SYNE2: variants seen among roughly 807,000 people sequenced by gnomAD.
SYNE2 encodes the protein spectrin repeat containing nuclear envelope protein 2.
Under a neutral mutation model 856.3 loss-of-function variants are expected in SYNE2, and 431 were observed. That is an observed-to-expected ratio of 0.50 (90% CI 0.47 to 0.55). The LOEUF is 0.55. Ranked by LOEUF, SYNE2 falls within the 20% of genes least tolerant of loss-of-function variation. The pLI is 0.00. For synonymous variants in SYNE2, 2,923 were observed against 2,872.3 expected, an observed-to-expected ratio of 1.02 and a Z score of -0.56; for missense variants, 8,129 against 8,023.2, an observed-to-expected ratio of 1.01 and a Z score of -0.50.
intron 1 of SYNE2, among the ~76,000 whole-genome samples, chr14:63,822,011 C>G (rs144840949): frequency 6.6e-6 from 1 of 151,852 alleles, no homozygotes; most frequent in African/African-American, 2.4e-5. Flanking sequence ...GCCAACATGG[C>G]GAAACCCCGT....
intron 53 of SYNE2, 57 bp from the exon 54 acceptor site, chr14:64,075,888 T>G (rs1408610570): frequency 2.5e-6 from 4 of 1,598,632 alleles, no homozygotes; most frequent in Non-Finnish European, 3.4e-6. Flanking sequence ...TTTCACTTTT[T>G]AGAATTAAAC....
intron 45 of SYNE2, among the ~76,000 whole-genome samples, chr14:64,040,997 C>CA (rs2097144264): frequency 1.3e-5 from 2 of 151,998 alleles, no homozygotes; most frequent in South Asian, 4.1e-4. Flanking sequence ...TCTAATAAAA[C>CA]AAGTATGTCA....
At chr14:64,008,802 C>T (rs1382078284) in intron 31 of SYNE2, among the ~76,000 whole-genome samples, 2 of 152,106 alleles carry the variant, frequency 1.3e-5, no homozygotes, top group Admixed American at 6.6e-5. Flanking sequence ...GCTTTGTTTC[C>T]GCATGTGGTT....
At chr14:64,016,073 A>G (rs564932399) in intron 32 of SYNE2, among the ~76,000 whole-genome samples, 3 of 152,200 alleles carry the variant, frequency 2.0e-5, no homozygotes, top group Admixed American at 6.5e-5. Flanking sequence ...TTTTATTCAG[A>G]TAAGTGCTTA....
chr14:63,858,262 CTTTTTTTTTTTTTTTTT>C (rs61091259), intron 1 of SYNE2, among the ~76,000 whole-genome samples: 10 of 52,932 alleles, frequency 1.9e-4, no homozygotes, highest in East Asian at 6.7e-4. Context: ...CCACACCGGC[CTTTTTTTTTTTTTTTTT>C]TTTTTTTTTT....
intron 6 of SYNE2, among the ~76,000 whole-genome samples, chr14:63,948,932 A>G (rs1451947752): frequency 6.6e-6 from 1 of 150,942 alleles, no homozygotes; most frequent in Non-Finnish European, 1.5e-5. Flanking sequence ...GTCTTTCACA[A>G]TTGCTGCAGC....
chr14:64,080,386 T>G (rs1239215295), intron 55 of SYNE2, 70 bp from the exon 56 acceptor site: 2 of 1,464,508 alleles, frequency 1.4e-6, no homozygotes, highest in African/African-American at 1.4e-5. Flanking sequence ...AAATACTGTG[T>G]GAAAACCAGG....
At chr14:64,125,286 A>G in intron 71 of SYNE2, 76 bp downstream of exon 71, 3 of 1,594,552 alleles carry the variant, frequency 1.9e-6, no homozygotes, top group Middle Eastern at 3.3e-4. Flanking sequence ...TGACTTGGTC[A>G]TAATTGTCGT....
chr14:63,958,928 T>C (rs1327972497), intron 8 of SYNE2, among the ~76,000 whole-genome samples: 1 of 152,248 alleles, frequency 6.6e-6, no homozygotes, highest in Non-Finnish European at 1.5e-5. Flanking sequence ...CTAGGAGCTC[T>C]TTCAGTTGGC....
intron 82 of SYNE2, 39 bp from the exon 83 acceptor site, chr14:64,143,733 A>G (rs757525288): frequency 1.5e-5 from 24 of 1,611,096 alleles, no homozygotes; most frequent in Non-Finnish European, 2.0e-5. Context: ...TCTGACCAAC[A>G]TTCATGACTG....
At position 64,152,505 on chromosome 14, in the gene SYNE2, ACC is replaced by A; in HGVS notation, c.15640-58_15640-57del. 6 of 1,567,730 alleles carry A rather than the reference ACC, an allele frequency of 3.8e-6. 1 individual carries two copies. In the South Asian group the frequency reaches 6.7e-5, roughly 18 times the overall value. ...AAAAGAGTGAACTCCTGTCTCTGAC[ACC>A]TTATTAATTGTTTTGTAATATTGTG... On this transcript the variant is annotated intron_variant, in intron 84 of 115. Transcript: ENST00000555002.
intron 11 of SYNE2, among the ~76,000 whole-genome samples, chr14:63,976,188 T>C (rs2096541410): frequency 1.3e-5 from 2 of 152,194 alleles, no homozygotes; most frequent in East Asian, 1.9e-4. Flanking sequence ...AAAGATGTAG[T>C]GTCAGAGCAC....
At chr14:64,175,220 G>A in intron 95 of SYNE2, 82 bp downstream of exon 95, 1 of 1,521,844 alleles carries the variant, frequency 6.6e-7, no homozygotes, top group Non-Finnish European at 9.0e-7. Context: ...AATGGAAATG[G>A]TTTTAGGAAA....
chr14:63,890,931 T>C (rs1426725363), intron 1 of SYNE2, among the ~76,000 whole-genome samples: 1 of 152,244 alleles, frequency 6.6e-6, no homozygotes, highest in African/African-American at 2.4e-5. Flanking sequence ...CGCTTATTCA[T>C]CTTTGCACCC....
intron 11 of SYNE2, among the ~76,000 whole-genome samples, chr14:63,968,611 C>T (rs1329903310): frequency 1.3e-5 from 2 of 152,074 alleles, no homozygotes; most frequent in African/African-American, 4.8e-5. Context: ...GCATATGGTA[C>T]ATAACTTTGT....
chr14:64,031,761 A>G (rs2097038285), intron 45 of SYNE2, among the ~76,000 whole-genome samples: 1 of 152,178 alleles, frequency 6.6e-6, no homozygotes, highest in African/African-American at 2.4e-5. Flanking sequence ...GTCGGAAAGG[A>G]TAGTTTCTTA....
chr14:64,215,401 G>A (rs780980589), intron 107 of SYNE2, 47 bp downstream of exon 107: 114 of 1,573,940 alleles, frequency 7.2e-5, no homozygotes, highest in Admixed American at 4.0e-4. Flanking sequence ...ATCCTGTGGC[G>A]CACACTGCAT....
chr14:64,127,538 G>A (rs570441946), intron 73 of SYNE2, among the ~76,000 whole-genome samples: 31 of 152,246 alleles, frequency 2.0e-4, no homozygotes, highest in African/African-American at 7.2e-4. Flanking sequence ...TGGTGGGGCG[G>A]GGGAGGCATT....
chr14:64,187,564 G>A (rs2139536776), intron 97 of SYNE2, among the ~76,000 whole-genome samples: 1 of 152,250 alleles, frequency 6.6e-6, no homozygotes, highest in Admixed American at 6.5e-5. Context: ...CACAACACTT[G>A]TTTTTCTAGG....
Sources: allele counts gnomAD v4.1 joint callset (sites outside exome capture counted in the v4.1 genomes callset), GRCh38; gene constraint gnomAD v4.1.1; transcripts MANE v1.5; gene names NCBI Gene and HGNC (gene_info 2026-07-23, HGNC 2026-07-21).